Variants in WDR11 observed in about 807,000 individuals in gnomAD.
WDR11 encodes the protein WD repeat-containing protein 11.
A neutral mutation model predicts 151.2 loss-of-function variants in WDR11; 83 were observed. The ratio of observed to expected loss-of-function variants is 0.55; its 90% CI spans 0.46 to 0.66. The LOEUF is 0.66. Ranked by LOEUF, WDR11 falls within the 30% of genes least tolerant of loss-of-function variation. WDR11 has a pLI of 0.00. For synonymous variants in WDR11, 484 were observed against 533.1 expected (o/e 0.91, Z 1.27); for missense variants, 1,301 against 1,480.9 (o/e 0.88, Z 1.99).
intron 14 of WDR11, 46 bp downstream of exon 14, chr10:120,883,934 T>C (rs745571169): frequency 6.7e-6 from 10 of 1,486,800 alleles, no homozygotes; most frequent in Middle Eastern, 1.7e-4. Context: ...GGTATATATG[T>C]ATGTGGTGAA....
chr10:120,905,790 G>C, intron 26 of WDR11, 86 bp from the exon 27 acceptor site: 1 of 1,611,314 alleles, frequency 6.2e-7, no homozygotes, highest in Non-Finnish European at 8.5e-7. Context: ...GTATTTCATA[G>C]AAACAGATCT....
chr10:120,904,223 A>C, intron 24 of WDR11, 81 bp downstream of exon 24: 3 of 1,083,960 alleles, frequency 2.8e-6, no homozygotes, highest in Non-Finnish European at 4.2e-6. Flanking sequence ...CTGTATGTAT[A>C]TATTTCATAA....
intron 2 of WDR11, chr10:120,856,026 T>C (rs1472665316): frequency 1.3e-5 from 2 of 152,218 alleles, no homozygotes; most frequent in Non-Finnish European, 2.9e-5. Context: ...CCCTCTCTGT[T>C]TCCTTTCCCC....
At chr10:120,892,815 G>A (rs1195217231) in intron 19 of WDR11, among the ~76,000 whole-genome samples, 1 of 151,940 alleles carries the variant, frequency 6.6e-6, no homozygotes, top group African/African-American at 2.4e-5. Flanking sequence ...CTTTCTTATC[G>A]GCTGCCTAAT....
At chr10:120,859,369 G>A (rs1337970474) in intron 3 of WDR11, among the ~76,000 whole-genome samples, 2 of 150,140 alleles carry the variant, frequency 1.3e-5, no homozygotes, top group African/African-American at 2.5e-5. Context: ...CTGGGTTCAC[G>A]CCATTCTCCT....
rs774685509 is a variant in WDR11 at position 120,900,009 on chromosome 10, A to C, written c.2516-20A>C. 3 of 1,598,952 alleles carry C rather than the reference A, an allele frequency of 1.9e-6. No individual in the cohort carries two copies. In the South Asian group the frequency reaches 3.3e-5, roughly 18 times the overall value. ...TATAAAACTTCATTTTATTTTTAAA[A>C]ACCTTTCTTTGTTGTCTAGAGCCTG... On this transcript the variant is annotated intron_variant, in intron 19 of 28. Coordinates refer to ENST00000263461, the MANE Select transcript of WDR11 (RefSeq NM_018117.12).
intron 19 of WDR11, among the ~76,000 whole-genome samples, chr10:120,898,308 T>C (rs926060076): frequency 1.3e-5 from 2 of 152,204 alleles, no homozygotes; most frequent in African/African-American, 4.8e-5. Context: ...TTAAGCTCTA[T>C]TTAGATTTTA....
chr10:120,876,921 A>G (rs1002689204), intron 11 of WDR11, among the ~76,000 whole-genome samples: 2 of 152,166 alleles, frequency 1.3e-5, no homozygotes, highest in Non-Finnish European at 2.9e-5. Context: ...CTTCACTTAT[A>G]CTTACAGTGC....
At chr10:120,893,789 GT>G (rs1236016912) in intron 19 of WDR11, among the ~76,000 whole-genome samples, 5 of 151,760 alleles carry the variant, frequency 3.3e-5, no homozygotes, top group Admixed American at 6.6e-5. Flanking sequence ...TTTTTCATGT[GT>G]TTTTTGGCTG....
intron 2 of WDR11, among the ~76,000 whole-genome samples, chr10:120,858,364 G>T (rs1181733168): frequency 6.6e-6 from 1 of 152,038 alleles, no homozygotes. Flanking sequence ...GCATCCTGGG[G>T]TTTTAACCTA....
chr10:120,854,360 C>CT (rs1383974078), intron 2 of WDR11, among the ~76,000 whole-genome samples: 1 of 152,206 alleles, frequency 6.6e-6, no homozygotes, highest in Admixed American at 6.5e-5. Flanking sequence ...TATCAATACT[C>CT]TGTTACTGAT....
intron 2 of WDR11, among the ~76,000 whole-genome samples, chr10:120,857,786 A>G (rs1846001408): frequency 6.6e-6 from 1 of 152,216 alleles, no homozygotes; most frequent in Non-Finnish European, 1.5e-5. Flanking sequence ...TACTTATTAA[A>G]CAGACCTTGG....
At chr10:120,899,327 T>C (rs1278051257) in intron 19 of WDR11, among the ~76,000 whole-genome samples, 1 of 152,150 alleles carries the variant, frequency 6.6e-6, no homozygotes, top group African/African-American at 2.4e-5. Context: ...TAGGCCATGT[T>C]AGTTGAATAG....
chr10:120,858,546 A>G, intron 2 of WDR11, 97 bp from the exon 3 acceptor site: 1 of 1,407,140 alleles, frequency 7.1e-7, no homozygotes, highest in Admixed American at 1.8e-5. Flanking sequence ...TTTATGTAAT[A>G]TAAATGTAGT....
At chr10:120,888,583 C>T (rs1313679060) in intron 16 of WDR11, among the ~76,000 whole-genome samples, 3 of 152,226 alleles carry the variant, frequency 2.0e-5, no homozygotes, top group Admixed American at 6.5e-5. Context: ...AACAGCATCT[C>T]TTCACCTTCA....
intron 15 of WDR11, 40 bp downstream of exon 15, chr10:120,885,978 T>C (rs1420577486): frequency 1.2e-6 from 2 of 1,610,686 alleles, no homozygotes; most frequent in Non-Finnish European, 1.7e-6. Flanking sequence ...TTTGTGCCAT[T>C]AGCATCATGT....
At chr10:120,898,348 T>C (rs1354015597) in intron 19 of WDR11, among the ~76,000 whole-genome samples, 1 of 152,224 alleles carries the variant, frequency 6.6e-6, no homozygotes, top group African/African-American at 2.4e-5. Flanking sequence ...AGTAGGCATG[T>C]ATTCAAGTTG....
In WDR11 at chr10:120,858,779, A is replaced by C; in HGVS notation, c.335A>C (p.His112Pro). The change falls in exon 3 of 29, where the codon CAT (histidine) becomes CCT (proline). Residue 112 changes from histidine to proline, a missense_variant. Around this residue, in one of 3 missense-constraint regions of WDR11, gnomAD observed 692 missense variants for 762.5 expected, o/e 0.91. Coordinates refer to ENST00000263461, the MANE Select transcript of WDR11 (RefSeq NM_018117.12). ...AGVAQCEIQE[H>P]AKPIQDVQWL... ...GTAGCTCAGTGTGAGATCCAAGAGCATGCCAAGCCTATCCAGGGTGAGGAA... is the reference window on the plus strand; with the variant it reads ...GTAGCTCAGTGTGAGATCCAAGAGCCTGCCAAGCCTATCCAGGGTGAGGAA... The C allele has an allele frequency of 6.2e-7, 1 of 1,614,196 alleles. No homozygotes were observed. Among genetic ancestry groups the C allele is most frequent in the Non-Finnish European group, 8.5e-7 (1 of 1,180,032 alleles).
chr10:120,857,931 G>A (rs1846010494), intron 2 of WDR11, among the ~76,000 whole-genome samples: 2 of 152,182 alleles, frequency 1.3e-5, no homozygotes, highest in African/African-American at 2.4e-5. Context: ...AGTAGTAAAT[G>A]CTTTGAAGAA....
Sources: allele counts gnomAD v4.1 joint callset (sites outside exome capture counted in the v4.1 genomes callset), GRCh38; gene constraint gnomAD v4.1.1; regional missense constraint gnomAD v4.1.1; transcripts MANE v1.5; gene names NCBI Gene and HGNC (gene_info 2026-07-23, HGNC 2026-07-21).